Variants in UBE2O observed in about 807,000 individuals in gnomAD.
The protein encoded by UBE2O is (E3-independent) E2 ubiquitin-conjugating enzyme.
Under a neutral mutation model 125.8 loss-of-function variants are expected in UBE2O, and 15 were observed. The observed-to-expected ratio is 0.12, with a 90% CI of 0.08 to 0.18. The LOEUF (loss-of-function observed/expected upper bound fraction) is 0.18. Ranked by LOEUF, UBE2O falls within the 10% of genes least tolerant of loss-of-function variation. The pLI is 1.00. For missense variants in UBE2O, 1,280 were observed against 1,723.6 expected, an observed-to-expected ratio of 0.74 and a Z score of 4.56; for synonymous variants, 708 against 703.2, an observed-to-expected ratio of 1.01 and a Z score of -0.11.
At chr17:76,446,473 A>C (rs918556169) in intron 1 of UBE2O, among the ~76,000 whole-genome samples, 5 of 149,844 alleles carry the variant, frequency 3.3e-5, no homozygotes, top group African/African-American at 7.4e-5. Context: ...AAAAAAAAAA[A>C]CCAAACAAAC....
chr17:76,395,199 T>G lies in UBE2O; in HGVS notation c.2946+526A>C, dbSNP rs1365235020. On this transcript the variant is annotated intron_variant, in intron 15 of 17. Transcript: ENST00000319380. The surrounding 1 kb of genome is among the most constrained non-coding windows in gnomAD (Gnocchi z 5.0). ...CCTATTTCAAAGTAATTTTTTTTTT[T>G]GAGACAGAATCTCGCTCTGTCACCC... 6.6e-6 allele frequency among the ~76,000 whole-genome samples: 1 copy of G among 151,486 alleles called. No individual in the cohort carries two copies. Among genetic ancestry groups the G allele is most frequent in the Non-Finnish European group, 1.5e-5 (1 of 67,914 alleles).
Position 76,405,343 on chromosome 17 carries a change from C to T in UBE2O, c.478-27G>A. 1 of 1,588,816 alleles carries T rather than the reference C, an allele frequency of 6.3e-7. No individual in the cohort carries two copies. Among genetic ancestry groups the T allele is most frequent in the East Asian group, 2.2e-5 (1 of 44,472 alleles). ...TGGGGGAGGGAGGAGACATGCAAGT[C>T]CCGTGGTGCAGCAGCCCTGGTCACC... On this transcript the variant is annotated intron_variant, in intron 2 of 17. Coordinates refer to ENST00000319380, the MANE Select transcript of UBE2O (RefSeq NM_022066.4). This position sits in a 1 kb window ranked among gnomAD's most constrained non-coding sequence, Gnocchi z 6.1.
At chr17:76,427,817 C>T (rs987799884) in intron 1 of UBE2O, among the ~76,000 whole-genome samples, 1 of 152,176 alleles carries the variant, frequency 6.6e-6, no homozygotes, top group African/African-American at 2.4e-5. Context: ...TCTCTGATCC[C>T]ATGGGGGAAA....
At position 76,396,118 on chromosome 17, in the gene UBE2O, G is replaced by A. The variant is rs750593364; in HGVS notation, c.2809+10C>T. On this transcript the variant is annotated intron_variant, in intron 14 of 17. Coordinates refer to ENST00000319380, the MANE Select transcript of UBE2O (RefSeq NM_022066.4). This position sits in a 1 kb window ranked among gnomAD's most constrained non-coding sequence, Gnocchi z 6.7. ...GGGGGAAGGCGAAGACCAGGCAAGG[G>A]CTGACTCACAGGGTGCAAACTCCAG... 15 of 1,610,518 alleles carry A rather than the reference G, an allele frequency of 9.3e-6. No individual in the cohort carries two copies. Among genetic ancestry groups the A allele is most frequent in the Non-Finnish European group, 1.3e-5 (15 of 1,178,368 alleles).
intron 1 of UBE2O, among the ~76,000 whole-genome samples, chr17:76,416,405 C>G (rs944781250): frequency 2.0e-5 from 3 of 152,248 alleles, no homozygotes; most frequent in Admixed American, 6.5e-5. Flanking sequence ...GCACACCCCC[C>G]AGAGAAACAG....
intron 1 of UBE2O, among the ~76,000 whole-genome samples, chr17:76,415,948 T>C (rs1325193299): frequency 4.5e-5 from 6 of 132,416 alleles, no homozygotes; most frequent in African/African-American, 1.0e-4. Context: ...TGCGTATACA[T>C]ATGCACATAC....
chr17:76,419,891 T>C (rs941652448), intron 1 of UBE2O, among the ~76,000 whole-genome samples: 1 of 152,224 alleles, frequency 6.6e-6, no homozygotes, highest in Non-Finnish European at 1.5e-5. Context: ...GAAAGAAGCA[T>C]GCCGGCAGAA....
chr17:76,435,910 G>A (rs2072989587), intron 1 of UBE2O, among the ~76,000 whole-genome samples: 1 of 152,224 alleles, frequency 6.6e-6, no homozygotes, highest in Non-Finnish European at 1.5e-5. Context: ...CCCTCTAGAT[G>A]CTGCTGACTA....
Position 76,420,005 on chromosome 17 carries a change from C to G in UBE2O, c.418-14433G>C, listed in dbSNP as rs146676702. On this transcript the variant is annotated intron_variant, in intron 1 of 17. Transcript: ENST00000319380. ...CCCTGCAACTGCGAATGCACAGAAG[C>G]ATGACATAACCTTGGGGCAGCAGAA... 1.0e-3 allele frequency among the ~76,000 whole-genome samples: 153 copies of G among 152,324 alleles called. 3 individuals carry two copies. The highest frequency in any genetic ancestry group is 9.5e-3 in the Admixed American group (145 of 15,294).
At chr17:76,412,728 G>C (rs944243371) in intron 1 of UBE2O, among the ~76,000 whole-genome samples, 1 of 152,180 alleles carries the variant, frequency 6.6e-6, no homozygotes, top group Non-Finnish European at 1.5e-5. Context: ...AAACCAACTC[G>C]GCCGGGCGCA....
chr17:76,406,184 G>A (rs1056695885), intron 1 of UBE2O, among the ~76,000 whole-genome samples: 11 of 152,214 alleles, frequency 7.2e-5, no homozygotes, highest in African/African-American at 2.2e-4. Context: ...CTTGGAGCCC[G>A]GCCAACTGCA....
chr17:76,438,918 G>C (rs1490992265), intron 1 of UBE2O, among the ~76,000 whole-genome samples: 1 of 152,060 alleles, frequency 6.6e-6, no homozygotes, highest in African/African-American at 2.4e-5. Flanking sequence ...CAACTCATCT[G>C]CCCCATAAAA....
chr17:76,414,082 C>A (rs1388419025), intron 1 of UBE2O, among the ~76,000 whole-genome samples: 1 of 152,220 alleles, frequency 6.6e-6, no homozygotes, highest in Non-Finnish European at 1.5e-5. Context: ...CACTGCCCAC[C>A]TGAGGACAGA....
intron 1 of UBE2O, among the ~76,000 whole-genome samples, chr17:76,418,123 C>T (rs1250759444): frequency 6.6e-6 from 1 of 152,208 alleles, no homozygotes; most frequent in Non-Finnish European, 1.5e-5. Flanking sequence ...CTGCCCCACA[C>T]TGCCCTGGGA....
In UBE2O at chr17:76,410,039, C is replaced by G. The variant is rs1261571624; in HGVS notation, c.418-4467G>C. On this transcript the variant is annotated intron_variant, in intron 1 of 17. Coordinates refer to ENST00000319380, the MANE Select transcript of UBE2O (RefSeq NM_022066.4). The surrounding 1 kb of genome is among the most constrained non-coding windows in gnomAD (Gnocchi z 4.0). Reference sequence around the variant, plus strand: ...TGAGATGGGGAATGAGCTTACCAAGCAGGGAGGAGTAGCTGTCAAGGTGCT... The same window carrying G: ...TGAGATGGGGAATGAGCTTACCAAGGAGGGAGGAGTAGCTGTCAAGGTGCT... Among the ~76,000 whole-genome samples, 1 of 152,078 alleles carries G rather than the reference C, an allele frequency of 6.6e-6. No individual in the cohort carries two copies. Among genetic ancestry groups the G allele is most frequent in the East Asian group, 1.9e-4 (1 of 5,182 alleles).
intron 1 of UBE2O, among the ~76,000 whole-genome samples, chr17:76,447,666 T>A (rs986800044): frequency 6.6e-6 from 1 of 152,182 alleles, no homozygotes; most frequent in African/African-American, 2.4e-5. Context: ...AGGAAGTTCA[T>A]GAGTATTTCT....
chr17:76,396,108 C>T lies in UBE2O; in HGVS notation c.2809+20G>A. ...CCGAGAAGGCGGGGGAAGGCGAAGA[C>T]CAGGCAAGGGCTGACTCACAGGGTG... On this transcript the variant is annotated intron_variant, in intron 14 of 17. Transcript: ENST00000319380. The surrounding 1 kb of genome is among the most constrained non-coding windows in gnomAD (Gnocchi z 6.7). 1 of 1,609,198 alleles carries T rather than the reference C, an allele frequency of 6.2e-7. No individual in the cohort carries two copies. The highest frequency in any genetic ancestry group is 8.5e-7 in the Non-Finnish European group (1 of 1,177,730).
chr17:76,451,782 G>A (rs1419410409), intron 1 of UBE2O, among the ~76,000 whole-genome samples: 2 of 95,296 alleles, frequency 2.1e-5, no homozygotes, highest in Non-Finnish European at 4.2e-5. Flanking sequence ...ACAGGGGGGT[G>A]TGTGTGTGTG....
At chr17:76,445,283 C>T (rs1399529940) in intron 1 of UBE2O, among the ~76,000 whole-genome samples, 4 of 150,356 alleles carry the variant, frequency 2.7e-5, no homozygotes, top group Admixed American at 2.0e-4. Context: ...TTTCAATTAT[C>T]ATAGTCAGAC....
Sources: gnomAD v4.1 joint callset for allele counts (sites outside exome capture counted in the v4.1 genomes callset) on GRCh38, gnomAD v4.1.1 for gene constraint, Gnocchi (gnomAD v3.1) non-coding constraint, MANE v1.5 for transcripts, NCBI Gene and HGNC (gene_info 2026-07-23, HGNC 2026-07-21) for gene names.